PHF24: variants seen among roughly 807,000 people sequenced by gnomAD.
PHF24 encodes the protein Galpha inhibitory interacting protein.
Under a neutral mutation model 42.6 loss-of-function variants are expected in PHF24, and 25 were observed. The ratio of observed to expected loss-of-function variants is 0.59; its 90% CI spans 0.43 to 0.82. The LOEUF (loss-of-function observed/expected upper bound fraction) is 0.82. Ranked by LOEUF, PHF24 falls within the 40% of genes least tolerant of loss-of-function variation. The pLI is 0.00. For missense variants in PHF24, 470 were observed against 538.1 expected (o/e 0.87, Z 1.25); for synonymous variants, 185 against 204.8 (o/e 0.90, Z 0.83).
the PHF24 span, among the ~76,000 whole-genome samples, chr9:34,752,330 T>TA: frequency 2.6e-5 from 4 of 151,986 alleles, no homozygotes; most frequent in African/African-American, 9.7e-5. Context: ...AAGACTCACA[T>TA]AAAATCAGAG....
the PHF24 span, among the ~76,000 whole-genome samples, chr9:34,948,527 G>C: frequency 2.2e-4 from 34 of 152,116 alleles, no homozygotes; most frequent in African/African-American, 7.7e-4. Context: ...TATATGGTTA[G>C]ATAGGTTTAG....
At chr9:34,753,599 C>T in the PHF24 span, among the ~76,000 whole-genome samples, 1 of 152,082 alleles carries the variant, frequency 6.6e-6, no homozygotes, top group Non-Finnish European at 1.5e-5. Flanking sequence ...TAATACCTAT[C>T]AAAACACCAA....
At chr9:34,813,988 C>G in the PHF24 span, among the ~76,000 whole-genome samples, 13 of 152,276 alleles carry the variant, frequency 8.5e-5, no homozygotes, top group African/African-American at 3.1e-4. Flanking sequence ...TGTTTAGCAC[C>G]ACCTTTGATT....
chr9:34,891,523 TC>T, the PHF24 span, among the ~76,000 whole-genome samples: 1 of 152,138 alleles, frequency 6.6e-6, no homozygotes, highest in South Asian at 2.1e-4. Flanking sequence ...CCCACATAGG[TC>T]AGGGCTGTAC....
At chr9:34,939,523 C>T in the PHF24 span, among the ~76,000 whole-genome samples, 23 of 152,172 alleles carry the variant, frequency 1.5e-4, 2 homozygotes, top group South Asian at 4.2e-3. Context: ...TAGGGTGCCA[C>T]GTAGAATTCT....
chr9:34,840,197 G>A, the PHF24 span, among the ~76,000 whole-genome samples: 1 of 151,944 alleles, frequency 6.6e-6, no homozygotes, highest in Non-Finnish European at 1.5e-5. Flanking sequence ...CATATAAATG[G>A]TATAAACTTC....
chr9:34,869,343 A>G, the PHF24 span, among the ~76,000 whole-genome samples: 13 of 152,166 alleles, frequency 8.5e-5, no homozygotes, highest in African/African-American at 2.4e-4. Flanking sequence ...GTCTTCTATA[A>G]TGGTTGAACT....
chr9:34,701,760 C>T, the PHF24 span, among the ~76,000 whole-genome samples: 2 of 152,098 alleles, frequency 1.3e-5, no homozygotes, highest in Middle Eastern at 3.4e-3. The surrounding 1 kb of genome is among the most constrained non-coding windows in gnomAD (Gnocchi z 5.8). Context: ...CCCCTGCCAC[C>T]CAGGCCCCCG....
At chr9:34,972,863 G>A (rs569298313) in intron 3 of PHF24, among the ~76,000 whole-genome samples, 12 of 134,712 alleles carry the variant, frequency 8.9e-5, no homozygotes, top group Non-Finnish European at 1.7e-4. Flanking sequence ...GCAGCGAGCC[G>A]AAATCGCGCC....
chr9:34,798,836 T>G, the PHF24 span, among the ~76,000 whole-genome samples: 1 of 152,202 alleles, frequency 6.6e-6, no homozygotes, highest in Non-Finnish European at 1.5e-5. Context: ...GTGAATAAGC[T>G]TTCCCTCTTC....
chr9:34,770,550 AC>A, the PHF24 span, among the ~76,000 whole-genome samples: 1 of 152,182 alleles, frequency 6.6e-6, no homozygotes, highest in Admixed American at 6.5e-5. Flanking sequence ...TGTCTTGACA[AC>A]AGCTTTTCAG....
At chr9:34,672,336 GAGAA>G in the PHF24 span, among the ~76,000 whole-genome samples, 3 of 152,034 alleles carry the variant, frequency 2.0e-5, no homozygotes, top group Non-Finnish European at 4.4e-5. Flanking sequence ...TGGATGCTAG[GAGAA>G]AGAGAGTCTC....
At chr9:34,709,686 C>T in the PHF24 span, 148 of 1,613,628 alleles carry the variant, frequency 9.2e-5, 4 homozygotes, top group Admixed American at 3.5e-4. Context: ...CAAGAACCTG[C>T]GGGTGGGGGC....
chr9:34,716,501 T>C, the PHF24 span, among the ~76,000 whole-genome samples: 1 of 152,212 alleles, frequency 6.6e-6, no homozygotes. Context: ...TCCAAGGAGA[T>C]AAATTTTGTG....
intron 3 of PHF24, 145 bp from the exon 4 acceptor site, chr9:34,976,007 C>A: frequency 1.5e-6 from 1 of 647,014 alleles, no homozygotes; most frequent in Non-Finnish European, 2.8e-6. Context: ...TCTCTGGGGC[C>A]TCAATCTCAT....
chr9:34,932,984 CTTTT>C, the PHF24 span, among the ~76,000 whole-genome samples: 14 of 121,446 alleles, frequency 1.2e-4, no homozygotes, highest in Non-Finnish European at 1.9e-4. Flanking sequence ...AGCAGGAACT[CTTTT>C]TTTTTTTTTT....
chr9:34,719,976 A>AT, the PHF24 span, among the ~76,000 whole-genome samples: 1 of 152,200 alleles, frequency 6.6e-6, no homozygotes, highest in Non-Finnish European at 1.5e-5. Flanking sequence ...GAGCAGGGAC[A>AT]TATCCATGTT....
chr9:34,965,929 T>G (rs1331899415), intron 1 of PHF24, among the ~76,000 whole-genome samples: 1 of 152,228 alleles, frequency 6.6e-6, no homozygotes, highest in East Asian at 1.9e-4. Flanking sequence ...CTCAACTATT[T>G]TTTTCCAGTG....
the PHF24 span, chr9:34,832,926 G>A: frequency 6.4e-7 from 1 of 1,551,610 alleles, no homozygotes; most frequent in African/African-American, 1.4e-5. Flanking sequence ...GGGACTCGTG[G>A]AGGTAGCTGT....
Sources: allele counts gnomAD v4.1 joint callset (sites outside exome capture counted in the v4.1 genomes callset), GRCh38; gene constraint gnomAD v4.1.1; non-coding constraint Gnocchi (gnomAD v3.1); transcripts MANE v1.5; gene names NCBI Gene and HGNC (gene_info 2026-07-23, HGNC 2026-07-21).